The following RAD54L2 variants were observed in gnomAD, a reference collection of about 807,000 sequenced individuals.
The protein encoded by RAD54L2 is RAD54 like 2, also known as helicase ARIP4.
In RAD54L2, 27 loss-of-function variants were observed where a neutral mutation model predicts 138.4. That is an observed-to-expected ratio of 0.20 (90% CI 0.14 to 0.27). The LOEUF is 0.27. Among genes scored for constraint, RAD54L2 ranks in the 10% least tolerant of loss-of-function variants. The pLI, the probability that RAD54L2 is intolerant of heterozygous loss-of-function variation, is 1.00. For missense variants in RAD54L2, 1,396 were observed against 1,890.2 expected, an observed-to-expected ratio of 0.74 and a Z score of 4.85; for synonymous variants, 644 against 723.2, an observed-to-expected ratio of 0.89 and a Z score of 1.76.
intron 2 of RAD54L2, among the ~76,000 whole-genome samples, chr3:51,552,015 G>A (rs985450607): frequency 2.0e-5 from 3 of 152,142 alleles, no homozygotes; most frequent in Non-Finnish European, 4.4e-5. Context: ...CTCCCAAAGT[G>A]CTGGGATTAT....
intron 2 of RAD54L2, among the ~76,000 whole-genome samples, chr3:51,570,449 T>A (rs1313600522): frequency 2.0e-5 from 3 of 150,016 alleles, no homozygotes; most frequent in Non-Finnish European, 4.4e-5. Context: ...GGCCCTCTTT[T>A]AAATTTTTAT....
In RAD54L2 at chr3:51,557,180, CTTTTTTTTT is replaced by C. The variant is rs58428110; in HGVS notation, c.-55+15549_-55+15557del. Among the ~76,000 whole-genome samples the C allele has an allele frequency of 5.3e-5, 6 of 113,356 alleles. No individual in the cohort carries two copies. The South Asian group carries it at 9.1e-4, about 17-fold the overall frequency. 74.4% of individuals were successfully genotyped at this position (113,356 alleles called of 152,430 possible). ...ATTCCCTATTTTTTGTTGTTGTTGG[CTTTTTTTTT>C]TTTTTTTTTTTTTTTTTTGAGACAG... On this transcript the variant is annotated intron_variant, in intron 2 of 22. Coordinates refer to ENST00000684192, the MANE Select transcript of RAD54L2 (RefSeq NM_015106.4).
At chr3:51,557,752 A>T (rs1232456609) in intron 2 of RAD54L2, among the ~76,000 whole-genome samples, 2 of 146,730 alleles carry the variant, frequency 1.4e-5, no homozygotes, top group Non-Finnish European at 3.0e-5. Flanking sequence ...ATCGCTTGAA[A>T]CCAGAAAGTG....
At chr3:51,608,386 G>A (rs1037268574) in intron 3 of RAD54L2, among the ~76,000 whole-genome samples, 1 of 152,070 alleles carries the variant, frequency 6.6e-6, no homozygotes, top group African/African-American at 2.4e-5. Flanking sequence ...CAGACGATGG[G>A]CGGCCAGGCA....
Position 51,641,879 on chromosome 3 carries a change from G to A in RAD54L2, c.2350+12G>A, listed in dbSNP as rs944584728. 1 of 1,547,842 alleles carries A rather than the reference G, an allele frequency of 6.5e-7. No homozygotes were observed. Among genetic ancestry groups the A allele is most frequent in the African/African-American group, 1.4e-5 (1 of 73,346 alleles). On this transcript the variant is annotated intron_variant, in intron 15 of 22. Transcript: ENST00000684192. ...CATCAGCTACTTCCGTGAGTTCATTGTTGCGTTGTTCTTGAAGCCTTGGCA... is the reference window on the plus strand; with the variant it reads ...CATCAGCTACTTCCGTGAGTTCATTATTGCGTTGTTCTTGAAGCCTTGGCA...
In RAD54L2 at chr3:51,635,768, C is replaced by G; in HGVS notation, c.1318C>G (p.Arg440Gly). Residue 440 changes from arginine (R) to glycine (G), a missense_variant, in exon 10 of 23, where the codon CGG becomes GGG. Physicochemically the swap from Arg to Gly is moderately radical, Grantham distance 125 (BLOSUM62 -2). Around this residue, in one of 7 missense-constraint regions of RAD54L2, gnomAD observed 169 missense variants for 235.6 expected, o/e 0.72. Coordinates refer to ENST00000684192, the MANE Select transcript of RAD54L2 (RefSeq NM_015106.4). ...CATCATTGATCTAGATGAGGAAGAT[C>G]GGCAGCAGGAGTTTCGGAGAGGTGG... is the stretch of plus-strand genomic sequence containing the variant. ...PVIIDLDEED[R>G]QQEFRREFEK... The G allele has an allele frequency of 2.5e-6, 4 of 1,611,110 alleles. No homozygotes were observed. Among genetic ancestry groups the G allele is most frequent in the Non-Finnish European group, 3.4e-6 (4 of 1,178,830 alleles).
chr3:51,631,479 T>C (rs1439540315), intron 7 of RAD54L2, among the ~76,000 whole-genome samples: 3 of 149,424 alleles, frequency 2.0e-5, no homozygotes, highest in African/African-American at 4.9e-5. Context: ...AGGCTGGGAC[T>C]ATAGGCCTAT....
chr3:51,550,262 A>G lies in RAD54L2; in HGVS notation c.-55+8612A>G, dbSNP rs1014792488. On this transcript the variant is annotated intron_variant, in intron 2 of 22. Coordinates refer to ENST00000684192, the MANE Select transcript of RAD54L2 (RefSeq NM_015106.4). ...GTGCCTTTCCCCCAGGCTCTGGACC[A>G]GTGACCTCATTTTAGGGCTTGTGCT... Among the ~76,000 whole-genome samples, 23 of 152,166 alleles carry G rather than the reference A, an allele frequency of 1.5e-4. 1 individual carries two copies. Among genetic ancestry groups the G allele is most frequent in the Non-Finnish European group, 3.1e-4 (21 of 68,026 alleles).
At chr3:51,607,435 G>C (rs1700212168) in intron 3 of RAD54L2, among the ~76,000 whole-genome samples, 1 of 152,210 alleles carries the variant, frequency 6.6e-6, no homozygotes, top group Non-Finnish European at 1.5e-5. Context: ...TAAGGTTATA[G>C]ATCAACAGCA....
chr3:51,640,398 C>G (rs759376698), intron 14 of RAD54L2, among the ~76,000 whole-genome samples: 1 of 152,186 alleles, frequency 6.6e-6, no homozygotes, highest in Non-Finnish European at 1.5e-5. Context: ...TCTTCTATCC[C>G]GCCCCAACCT....
intron 2 of RAD54L2, among the ~76,000 whole-genome samples, chr3:51,554,297 G>A (rs1361441085): frequency 2.6e-5 from 4 of 151,624 alleles, no homozygotes; most frequent in African/African-American, 9.7e-5. Flanking sequence ...AACCCTGGAA[G>A]CGGAGGTTGC....
At chr3:51,614,038 G>A (rs1015928629) in intron 3 of RAD54L2, among the ~76,000 whole-genome samples, 7 of 152,162 alleles carry the variant, frequency 4.6e-5, no homozygotes, top group African/African-American at 1.4e-4. Flanking sequence ...CCAAATGTTA[G>A]TAGTGCTAAG....
At position 51,637,583 on chromosome 3, in the gene RAD54L2, A is replaced by C. The variant is rs1162902710; in HGVS notation, c.1682+80A>C. On this transcript the variant is annotated intron_variant, in intron 11 of 22. Transcript: ENST00000684192. The surrounding 1 kb of genome is among the most constrained non-coding windows in gnomAD (Gnocchi z 5.9). ...GGGCATGCCAAACCTGTTATACAGG[A>C]TAGGGTGTTGGAGTAGGAGGGCCCC... 2 of 1,403,538 alleles carry C rather than the reference A, an allele frequency of 1.4e-6. No individual in the cohort carries two copies. Among genetic ancestry groups the C allele is most frequent in the Non-Finnish European group, 1.9e-6 (2 of 1,039,182 alleles). 86.9% of individuals were successfully genotyped at this position (1,403,538 alleles called of 1,614,324 possible).
chr3:51,636,689 A>C (rs1390853071), intron 10 of RAD54L2, among the ~76,000 whole-genome samples: 3 of 152,176 alleles, frequency 2.0e-5, no homozygotes, highest in African/African-American at 7.2e-5. Context: ...TATTTATTGC[A>C]AGAGTCAACT....
intron 3 of RAD54L2, among the ~76,000 whole-genome samples, chr3:51,622,355 G>A (rs769378928): frequency 6.6e-6 from 1 of 152,038 alleles, no homozygotes; most frequent in Non-Finnish European, 1.5e-5. Context: ...GCTTTCTTTG[G>A]GAGGCTTTTT....
chr3:51,627,812 T>TA, intron 4 of RAD54L2, 58 bp downstream of exon 4: 1 of 1,576,946 alleles, frequency 6.3e-7, no homozygotes, highest in Non-Finnish European at 8.7e-7. Context: ...ACCTTCATCT[T>TA]AAGGCTGTCA....
intron 2 of RAD54L2, among the ~76,000 whole-genome samples, chr3:51,549,112 G>A (rs556444102): frequency 1.3e-5 from 2 of 152,234 alleles, no homozygotes; most frequent in South Asian, 4.1e-4. Flanking sequence ...CCCTGCCTCA[G>A]CCTCCTGAGT....
intron 19 of RAD54L2, among the ~76,000 whole-genome samples, chr3:51,646,885 T>C (rs1701293367): frequency 6.6e-6 from 1 of 152,120 alleles, no homozygotes; most frequent in Non-Finnish European, 1.5e-5. Flanking sequence ...ATCCTGCTGC[T>C]CCTAAGGGGA....
rs997880463 is a variant in RAD54L2 at position 51,645,436 on chromosome 3, G to C, written c.2657-155G>C. On this transcript the variant is annotated intron_variant, in intron 17 of 22. Transcript: ENST00000684192. The surrounding 1 kb of genome is among the most constrained non-coding windows in gnomAD (Gnocchi z 6.1). Reference sequence around the variant, plus strand: ...GAGTTTAATGATAACAGCCAAGCTCGTTATACAAGTTTTCCCCTTATATGA... The same window carrying C: ...GAGTTTAATGATAACAGCCAAGCTCCTTATACAAGTTTTCCCCTTATATGA... 1.3e-5 allele frequency among the ~76,000 whole-genome samples: 2 copies of C among 152,186 alleles called. No individual in the cohort carries two copies. Among genetic ancestry groups the C allele is most frequent in the African/African-American group, 2.4e-5 (1 of 41,452 alleles).
Sources: gnomAD v4.1 joint callset for allele counts (sites outside exome capture counted in the v4.1 genomes callset) on GRCh38, gnomAD v4.1.1 for gene constraint, gnomAD v4.1.1 regional missense constraint, Gnocchi (gnomAD v3.1) non-coding constraint, MANE v1.5 for transcripts, NCBI Gene and HGNC (gene_info 2026-07-23, HGNC 2026-07-21) for gene names.